Variants in CCDC88C observed in about 807,000 individuals in gnomAD.
CCDC88C encodes coiled-coil and HOOK domain protein 88C, also known as protein Daple.
In CCDC88C, 131 loss-of-function variants were observed where a neutral mutation model predicts 198.8. That is an observed-to-expected ratio of 0.66 (90% CI 0.57 to 0.76). The LOEUF is 0.76. CCDC88C is among the 30% of genes least tolerant of loss of function. CCDC88C has a pLI of 0.00. For missense variants in CCDC88C, 2,553 were observed against 2,631.6 expected (o/e 0.97, Z 0.65); for synonymous variants, 1,166 against 1,114.7 (o/e 1.05, Z -0.92).
chr14:91,380,188 G>C (rs1884703371), intron 3 of CCDC88C, among the ~76,000 whole-genome samples: 1 of 152,160 alleles, frequency 6.6e-6, no homozygotes, highest in African/African-American at 2.4e-5. Flanking sequence ...TACTATTTAT[G>C]CAAGAGTACA....
chr14:91,275,480 CTTT>C, intron 29 of CCDC88C, among the ~76,000 whole-genome samples: 1 of 143,438 alleles, frequency 7.0e-6, no homozygotes, highest in Admixed American at 7.0e-5. Flanking sequence ...ACCAGCAGTT[CTTT>C]TTTTTTTTTT....
In CCDC88C at chr14:91,313,383, T is replaced by C; in HGVS notation, c.2433A>G (p.Ala811=). Residue 811 remains alanine, a synonymous_variant, in exon 15 of 30, where the codon GCA becomes GCG. Transcript: ENST00000389857. This position sits in a 1 kb window ranked among gnomAD's most constrained non-coding sequence, Gnocchi z 5.2. ...TGTCCTTCTCGGCCCCCTCCAACTG[T>C]GCATTGGCCAGCCGGAGGGCCTCCA... is the stretch of plus-strand genomic sequence containing the variant. The part of the protein sequence containing the change: ...RDLEALRLAN[A]QLEGAEKDRK... 1 of 1,609,614 alleles carries C rather than the reference T, an allele frequency of 6.2e-7. No individual in the cohort carries two copies. Among genetic ancestry groups the C allele is most frequent in the Non-Finnish European group, 8.5e-7 (1 of 1,179,764 alleles).
rs1567084996 is a variant in CCDC88C, at chr14:91,338,349, T to A, written c.891+140A>T. 2.1e-6 allele frequency: 2 copies of A among 953,332 alleles called. No individual in the cohort carries two copies. The highest frequency in any genetic ancestry group is 5.3e-5 in the East Asian group (2 of 38,018). The allele number at this position is 953,332 out of a possible 1,614,324, so 59.1% of individuals were successfully genotyped here. ...CTGCTGTCACTAAGAAACAGGGTCA[T>A]CCCCATAGCCGTGCTCAGGACAAGT... is the stretch of plus-strand genomic sequence containing the variant. On this transcript the variant is annotated intron_variant, in intron 9 of 29. Coordinates refer to ENST00000389857, the MANE Select transcript of CCDC88C (RefSeq NM_001080414.4). This position sits in a 1 kb window ranked among gnomAD's most constrained non-coding sequence, Gnocchi z 4.8.
At chr14:91,362,106 T>C (rs1043658197) in intron 3 of CCDC88C, among the ~76,000 whole-genome samples, 2 of 152,024 alleles carry the variant, frequency 1.3e-5, no homozygotes, top group Non-Finnish European at 2.9e-5. Context: ...TGGTGACGCA[T>C]GCCTGTAACG....
At position 91,338,032 on chromosome 14, in the gene CCDC88C, G is replaced by A. The variant is rs762008822; in HGVS notation, c.1023C>T (p.Asp341=). Residue 341 remains aspartate, a synonymous_variant, in exon 10 of 30, where the codon GAC becomes GAT. Transcript: ENST00000389857. The surrounding 1 kb of genome is among the most constrained non-coding windows in gnomAD (Gnocchi z 4.8). ...CCATGCGGGCCTTGTAGAAGTCCAC[G>A]TCGTGCAGCTTCTCCTTGCAGCGGG... ...ELTRCKEKLH[D]VDFYKARMEE... is the part of the protein sequence containing the mutation. The A allele has an allele frequency of 6.8e-6, 11 of 1,612,792 alleles. No individual in the cohort carries two copies. In the Admixed American group the frequency reaches 8.3e-5, roughly 12 times the overall value.
At chr14:91,344,453 C>CT (rs1893434746) in intron 4 of CCDC88C, among the ~76,000 whole-genome samples, 1 of 152,112 alleles carries the variant, frequency 6.6e-6, no homozygotes. Flanking sequence ...CTCCTTCCCC[C>CT]TTTTAAGTTT....
chr14:91,313,370 C>T lies in CCDC88C; in HGVS notation c.2446G>A (p.Ala816Thr), dbSNP rs750688133. ...TCCAGGGCCTTCCTGTCCTTCTCGG[C>T]CCCCTCCAACTGTGCATTGGCCAGC... is the stretch of plus-strand genomic sequence containing the variant. ...LRLANAQLEG[A>T]EKDRKALEQE... Residue 816 changes from alanine (A) to threonine (T), a missense_variant, in exon 15 of 30, where the codon GCC becomes ACC. Around this residue, in one of 2 missense-constraint regions of CCDC88C, gnomAD observed 1,260 missense variants for 1,412.0 expected, o/e 0.89. Coordinates refer to ENST00000389857, the MANE Select transcript of CCDC88C (RefSeq NM_001080414.4). The surrounding 1 kb of genome is among the most constrained non-coding windows in gnomAD (Gnocchi z 5.2). The T allele has an allele frequency of 5.0e-6, 8 of 1,610,556 alleles. No homozygotes were observed. The highest frequency in any genetic ancestry group is 1.1e-5 in the South Asian group (1 of 91,084).
chr14:91,315,803 A>T lies in CCDC88C; in HGVS notation c.1528-16T>A. On this transcript the variant is annotated splice_polypyrimidine_tract_variant and intron_variant, in intron 13 of 29. Coordinates refer to ENST00000389857, the MANE Select transcript of CCDC88C (RefSeq NM_001080414.4). ...ACTTTTCAATCTGCAGAACCAAAAG[A>T]CCCAGCCCAGTGCAGACATCAGTCC... 6.2e-7 allele frequency: 1 copy of T among 1,608,170 alleles called. No individual in the cohort carries two copies. Among genetic ancestry groups the T allele is most frequent in the Non-Finnish European group, 8.5e-7 (1 of 1,176,844 alleles).
At position 91,274,521 on chromosome 14, in the gene CCDC88C, C is replaced by T. The variant is rs374710578; in HGVS notation, c.5059-868G>A. Among the ~76,000 whole-genome samples the T allele has an allele frequency of 4.0e-3, 607 of 152,300 alleles. 15 individuals carry two copies. Among genetic ancestry groups the T allele is most frequent in the East Asian group, 4.1e-3 (21 of 5,172 alleles). On this transcript the variant is annotated intron_variant, in intron 29 of 29. Transcript: ENST00000389857. ...AGTGAGTTCATGGGGGATGAGAGGC[C>T]GGCAGGTGTCAGCCTGAAGGCGGGT...
chr14:91,300,946 T>G (rs1891251202), intron 20 of CCDC88C, among the ~76,000 whole-genome samples: 1 of 152,196 alleles, frequency 6.6e-6, no homozygotes, highest in Non-Finnish European at 1.5e-5. Flanking sequence ...GACCCCTTCC[T>G]GAGTGTCTCA....
intron 3 of CCDC88C, among the ~76,000 whole-genome samples, chr14:91,399,740 G>A (rs1886057713): frequency 6.6e-6 from 1 of 151,540 alleles, no homozygotes; most frequent in Admixed American, 6.6e-5. Context: ...TCAGGAGGCT[G>A]AGGCAGGAGA....
chr14:91,310,860 T>C (rs559623393), intron 15 of CCDC88C, among the ~76,000 whole-genome samples: 1 of 152,286 alleles, frequency 6.6e-6, no homozygotes, highest in East Asian at 1.9e-4. Context: ...TTAACCCTCC[T>C]ACCAAATCCT....
chr14:91,276,155 C>A (rs910132782), intron 29 of CCDC88C, among the ~76,000 whole-genome samples: 3 of 152,226 alleles, frequency 2.0e-5, no homozygotes, highest in Admixed American at 2.0e-4. Flanking sequence ...GCCTACCCAG[C>A]CGCAAGACCA....
intron 4 of CCDC88C, among the ~76,000 whole-genome samples, chr14:91,349,893 T>C (rs145419434): frequency 5.3e-5 from 8 of 152,344 alleles, no homozygotes; most frequent in South Asian, 2.1e-4. Context: ...TCCTCTAAAA[T>C]GTGCATTATA....
chr14:91,385,724 G>C (rs1885091921), intron 3 of CCDC88C, among the ~76,000 whole-genome samples: 1 of 152,088 alleles, frequency 6.6e-6, no homozygotes, highest in Admixed American at 6.5e-5. Flanking sequence ...AGCACTTTGG[G>C]AGGCCAAGGT....
chr14:91,370,680 C>T (rs565113065), intron 3 of CCDC88C, among the ~76,000 whole-genome samples: 2 of 152,226 alleles, frequency 1.3e-5, no homozygotes, highest in Non-Finnish European at 2.9e-5. Context: ...GCTTTAGGAA[C>T]GACCTGCTGC....
chr14:91,388,069 C>T (rs537566354), intron 3 of CCDC88C, among the ~76,000 whole-genome samples: 1 of 152,196 alleles, frequency 6.6e-6, no homozygotes, highest in Admixed American at 6.5e-5. Context: ...CTTGAACATT[C>T]CACTGCTGAG....
intron 25 of CCDC88C, among the ~76,000 whole-genome samples, chr14:91,287,227 C>T (rs1004288600): frequency 6.6e-6 from 1 of 152,114 alleles, no homozygotes; most frequent in African/African-American, 2.4e-5. Context: ...AAAAGTTAAG[C>T]TTCTCATTTA....
rs758664713 is a variant in CCDC88C, at chr14:91,291,094, T to A, written c.4113-10A>T. ...GGCATTTAATTTGTCTCTGTGAATA[T>A]AGGAGAAAGAAAACCTATCAATCCA... On this transcript the variant is annotated splice_polypyrimidine_tract_variant and intron_variant, in intron 23 of 29. Coordinates refer to ENST00000389857, the MANE Select transcript of CCDC88C (RefSeq NM_001080414.4). 7 of 1,446,640 alleles carry A rather than the reference T, an allele frequency of 4.8e-6. No individual in the cohort carries two copies. The highest frequency in any genetic ancestry group is 6.7e-6 in the Non-Finnish European group (7 of 1,043,902). The allele number at this position is 1,446,640 out of a possible 1,614,324, so 89.6% of individuals were successfully genotyped here. A position where few individuals can be genotyped will look rare whatever the true frequency, so the allele number is the denominator to read the frequency against.
Sources: allele counts gnomAD v4.1 joint callset (sites outside exome capture counted in the v4.1 genomes callset), GRCh38; gene constraint gnomAD v4.1.1; regional missense constraint gnomAD v4.1.1; non-coding constraint Gnocchi (gnomAD v3.1); transcripts MANE v1.5; gene names NCBI Gene and HGNC (gene_info 2026-07-23, HGNC 2026-07-21).